EBF1: variants seen among roughly 807,000 people sequenced by gnomAD.
The protein encoded by EBF1 is transcription factor COE1.
In EBF1, 10 loss-of-function variants were observed where a neutral mutation model predicts 68.4. That is an observed-to-expected ratio of 0.15 (90% CI 0.09 to 0.25). The LOEUF (loss-of-function observed/expected upper bound fraction) is 0.25, where lower values mean the gene tolerates loss of function less well. Among genes scored for constraint, EBF1 ranks in the 10% least tolerant of loss-of-function variants. The pLI is 1.00. For missense variants in EBF1, 509 were observed against 794.4 expected (o/e 0.64, Z 4.32); for synonymous variants, 298 against 299.8 (o/e 0.99, Z 0.06).
rs150343822 is a variant in EBF1 at position 159,016,308 on chromosome 5, C to A, written c.554+57088G>T. Among the ~76,000 whole-genome samples, 125 of 152,270 alleles carry A rather than the reference C, an allele frequency of 8.2e-4. 2 individuals are homozygous for A. In the East Asian group the frequency reaches 0.022, roughly 26 times the overall value. On this transcript the variant is annotated intron_variant, in intron 6 of 15. Coordinates refer to ENST00000313708, the MANE Select transcript of EBF1 (RefSeq NM_024007.5). ...TGAAAAGCTGAAGAGAAGAACTTGG[C>A]CAGTGGCTTCCCATCTTTCCAAGTT...
At chr5:158,889,044 T>C (rs1000041827) in intron 6 of EBF1, among the ~76,000 whole-genome samples, 1 of 152,154 alleles carries the variant, frequency 6.6e-6, no homozygotes, top group African/African-American at 2.4e-5. Flanking sequence ...TAGGGTTTTT[T>C]CCCCACATAT....
chr5:158,752,000 A>T (rs1769006433), intron 10 of EBF1, among the ~76,000 whole-genome samples: 1 of 151,992 alleles, frequency 6.6e-6, no homozygotes, highest in Admixed American at 6.6e-5. Flanking sequence ...TGATGATGCT[A>T]AGGTTCAAGG....
intron 14 of EBF1, among the ~76,000 whole-genome samples, chr5:158,711,930 T>C (rs1349011830): frequency 2.0e-5 from 3 of 152,142 alleles, no homozygotes; most frequent in Non-Finnish European, 4.4e-5. Flanking sequence ...GTAGCAACAT[T>C]CTGACTGTTA....
At chr5:158,853,634 G>A (rs888824929) in intron 6 of EBF1, among the ~76,000 whole-genome samples, 1 of 152,118 alleles carries the variant, frequency 6.6e-6, no homozygotes, top group Non-Finnish European at 1.5e-5. Context: ...GGAGAAGGAG[G>A]TGTGCTGAGA....
chr5:158,951,356 G>A (rs1323516172), intron 6 of EBF1, among the ~76,000 whole-genome samples: 1 of 152,174 alleles, frequency 6.6e-6, no homozygotes, highest in East Asian at 1.9e-4. Flanking sequence ...GAGGGAACTT[G>A]GCGTCAACTT....
In EBF1 at chr5:159,062,278, C is replaced by T. The variant is rs552756415; in HGVS notation, c.554+11118G>A. 2.6e-5 allele frequency among the ~76,000 whole-genome samples: 4 copies of T among 152,344 alleles called. No homozygotes were observed. In the East Asian group the frequency reaches 7.7e-4, roughly 29 times the overall value. On this transcript the variant is annotated intron_variant, in intron 6 of 15. Transcript: ENST00000313708. ...ATGTGAGGGCCTCTGCTTCTCCTCC[C>T]TCTTCCCAGCTCGCAGGTCAGAGAG...
intron 6 of EBF1, among the ~76,000 whole-genome samples, chr5:158,843,688 C>A (rs1790802142): frequency 6.6e-6 from 1 of 152,176 alleles, no homozygotes; most frequent in South Asian, 2.1e-4. Context: ...GCCAGCCCTA[C>A]CCCAGAGGGA....
At chr5:158,926,282 A>G (rs1809677176) in intron 6 of EBF1, among the ~76,000 whole-genome samples, 1 of 152,222 alleles carries the variant, frequency 6.6e-6, no homozygotes, top group Non-Finnish European at 1.5e-5. Context: ...CATTTGTTAT[A>G]TCTTAATAAA....
intron 8 of EBF1, among the ~76,000 whole-genome samples, chr5:158,819,107 G>A (rs1173493902): frequency 2.0e-5 from 3 of 152,150 alleles, no homozygotes; most frequent in African/African-American, 7.2e-5. Flanking sequence ...AAAAAGAAGA[G>A]AGGAAAGGAG....
intron 7 of EBF1, among the ~76,000 whole-genome samples, chr5:158,834,683 C>A (rs138883890): frequency 1.1e-4 from 16 of 152,334 alleles, no homozygotes; most frequent in African/African-American, 3.8e-4. Flanking sequence ...GAAGCCCAGC[C>A]ACTGTGAAGC....
chr5:159,089,538 C>T (rs1290533965), intron 4 of EBF1, among the ~76,000 whole-genome samples: 5 of 152,146 alleles, frequency 3.3e-5, no homozygotes, highest in Admixed American at 3.3e-4. Context: ...CGGGATCACA[C>T]TTCAATAGGA....
chr5:158,923,594 G>C (rs192251000), intron 6 of EBF1, among the ~76,000 whole-genome samples: 1 of 152,278 alleles, frequency 6.6e-6, no homozygotes, highest in East Asian at 1.9e-4. Flanking sequence ...CTGGGTGGCG[G>C]GAGGTGGGAT....
At chr5:159,054,011 C>G (rs1774292022) in intron 6 of EBF1, among the ~76,000 whole-genome samples, 1 of 152,174 alleles carries the variant, frequency 6.6e-6, no homozygotes, top group African/African-American at 2.4e-5. Flanking sequence ...GGCCAGTGAC[C>G]CCTTGCTGGT....
rs567993263 is a variant in EBF1, at chr5:158,864,740, T to C, written c.555-24630A>G. Among the ~76,000 whole-genome samples, 23 of 152,288 alleles carry C rather than the reference T, an allele frequency of 1.5e-4. No individual in the cohort carries two copies. In the South Asian group the frequency reaches 4.4e-3, roughly 29 times the overall value. ...AGAAGATCTTGGAAATTATGATATA[T>C]TGGCTGGGACTTGAAGGGCAAGAAG... On this transcript the variant is annotated intron_variant, in intron 6 of 15. Coordinates refer to ENST00000313708, the MANE Select transcript of EBF1 (RefSeq NM_024007.5).
At chr5:159,063,525 G>C (rs867990028) in intron 6 of EBF1, among the ~76,000 whole-genome samples, 2 of 152,074 alleles carry the variant, frequency 1.3e-5, no homozygotes, top group African/African-American at 4.8e-5. Flanking sequence ...TTGGGGGACT[G>C]GGGGCAGAGA....
intron 6 of EBF1, among the ~76,000 whole-genome samples, chr5:158,965,936 A>G (rs1754017325): frequency 6.6e-6 from 1 of 152,188 alleles, no homozygotes; most frequent in Non-Finnish European, 1.5e-5. Flanking sequence ...AAATATGATA[A>G]TCTACATCCT....
chr5:158,839,659 A>C (rs1327762901), intron 7 of EBF1, among the ~76,000 whole-genome samples: 2 of 152,244 alleles, frequency 1.3e-5, no homozygotes, highest in African/African-American at 2.4e-5. Flanking sequence ...CTGGGATTAC[A>C]GGCATGAGCC....
At chr5:158,963,457 G>A (rs764212129) in intron 6 of EBF1, among the ~76,000 whole-genome samples, 9 of 152,128 alleles carry the variant, frequency 5.9e-5, no homozygotes, top group South Asian at 4.1e-4. Context: ...AGAATACTCC[G>A]AAGTCCATGA....
chr5:158,815,309 C>T (rs1038570321), intron 8 of EBF1, among the ~76,000 whole-genome samples: 1 of 152,096 alleles, frequency 6.6e-6, no homozygotes, highest in Non-Finnish European at 1.5e-5. Context: ...TTAGGCAGAC[C>T]TAAGGTCAAA....
Sources: allele counts gnomAD v4.1 joint callset (sites outside exome capture counted in the v4.1 genomes callset), GRCh38; gene constraint gnomAD v4.1.1; transcripts MANE v1.5; gene names NCBI Gene and HGNC (gene_info 2026-07-23, HGNC 2026-07-21).